The following GLIS3 variants were observed in gnomAD, a reference collection of about 807,000 sequenced individuals.
GLIS3 encodes GLIS family zinc finger 3, also known as zinc finger protein GLIS3.
A neutral mutation model predicts 78.6 loss-of-function variants in GLIS3; 53 were observed. The ratio of observed to expected loss-of-function variants is 0.67; its 90% CI spans 0.54 to 0.85. GLIS3 has a LOEUF of 0.85. Ranked by LOEUF, GLIS3 falls within the 40% of genes least tolerant of loss-of-function variation. GLIS3 has a pLI of 0.00. For missense variants in GLIS3, 1,703 were observed against 1,231.1 expected (o/e 1.38, Z -5.74); for synonymous variants, 684 against 509.9 (o/e 1.34, Z -4.60).
At chr9:4,230,423 G>A (rs548789895) in intron 2 of GLIS3, among the ~76,000 whole-genome samples, 1 of 152,258 alleles carries the variant, frequency 6.6e-6, no homozygotes, top group South Asian at 2.1e-4. Context: ...CAAAGACTGA[G>A]GTAGGGCCTC....
chr9:4,322,519 T>C (rs999525723), intron 2 of GLIS3, among the ~76,000 whole-genome samples: 10 of 152,312 alleles, frequency 6.6e-5, no homozygotes, highest in Admixed American at 4.6e-4. Context: ...CTCCCACCAA[T>C]AGTGTAAAAG....
intron 2 of GLIS3, among the ~76,000 whole-genome samples, chr9:4,311,889 A>T (rs954447574): frequency 3.3e-5 from 5 of 152,202 alleles, no homozygotes; most frequent in Non-Finnish European, 7.3e-5. Flanking sequence ...AACAGAAAAG[A>T]TCCTTTAAAA....
intron 2 of GLIS3, among the ~76,000 whole-genome samples, chr9:4,170,439 G>C (rs764422331): frequency 2.0e-5 from 3 of 152,116 alleles, no homozygotes; most frequent in African/African-American, 4.8e-5. Context: ...CAGCAACTAA[G>C]ACATGGCACA....
chr9:4,059,829 TGA>T (rs1004608610), intron 4 of GLIS3, among the ~76,000 whole-genome samples: 4,623 of 100,558 alleles, frequency 0.046, 143 homozygotes, highest in East Asian at 0.26. Flanking sequence ...TGTGTGTGTG[TGA>T]GAGAGAGAGA....
Position 4,321,264 on chromosome 9 carries a change from CAA to C in GLIS3, n.265-10738_265-10737del, listed in dbSNP as rs373666845. 1.9e-5 allele frequency among the ~76,000 whole-genome samples: 2 copies of C among 106,918 alleles called. 1 individual carries two copies. Among genetic ancestry groups the C allele is most frequent in the Admixed American group, 1.8e-4 (2 of 11,072 alleles). 70.1% of individuals were successfully genotyped at this position (106,918 alleles called of 152,430 possible). A position where few individuals can be genotyped will look rare whatever the true frequency, so the allele number is the denominator to read the frequency against. Reference sequence around the variant, plus strand: ...TGAAACCCCGTCTCTACTAAAAATACAAAAAAAATTAGCCGGGAGTGGTGGCG... The same window carrying C: ...TGAAACCCCGTCTCTACTAAAAATACAAAAAATTAGCCGGGAGTGGTGGCG... On this transcript the variant is annotated intron_variant and non_coding_transcript_variant, in intron 2 of 4. Coordinates refer to the GLIS3 transcript ENST00000471664.
At chr9:4,303,691 C>A (rs531512019), upstream of GLIS3, among the ~76,000 whole-genome samples, 1 of 152,288 alleles carries the variant, frequency 6.6e-6, no homozygotes, top group South Asian at 2.1e-4. Context: ...TCACTCCATA[C>A]AATATCTCTC....
At chr9:4,065,134 A>C (rs528163619) in intron 4 of GLIS3, among the ~76,000 whole-genome samples, 3 of 152,060 alleles carry the variant, frequency 2.0e-5, no homozygotes, top group African/African-American at 7.2e-5. Flanking sequence ...TAGATTTCTG[A>C]TTTTTCCCAG....
chr9:4,254,937 A>G (rs1302268254), intron 2 of GLIS3, among the ~76,000 whole-genome samples: 2 of 152,210 alleles, frequency 1.3e-5, no homozygotes, highest in Non-Finnish European at 1.5e-5. Flanking sequence ...AATATTTGCA[A>G]AACATTTATC....
chr9:4,156,712 T>C (rs1835066095), intron 2 of GLIS3, among the ~76,000 whole-genome samples: 1 of 152,206 alleles, frequency 6.6e-6, no homozygotes, highest in Admixed American at 6.5e-5. Flanking sequence ...AGGGTCATTA[T>C]GCTTAAGCGT....
intron 2 of GLIS3, among the ~76,000 whole-genome samples, chr9:4,340,940 G>C (rs1363780371): frequency 6.6e-6 from 1 of 152,138 alleles, no homozygotes. Context: ...GCCTCCCAAA[G>C]TGCTGGGATT....
At chr9:3,892,248 CA>C (rs796499778) in intron 7 of GLIS3, among the ~76,000 whole-genome samples, 1 of 148,194 alleles carries the variant, frequency 6.7e-6, no homozygotes, top group Admixed American at 6.7e-5. Flanking sequence ...AGAAGCAAGG[CA>C]AAAAAAAAGC....
the GLIS3 span, among the ~76,000 whole-genome samples, chr9:4,461,177 G>A: frequency 6.6e-6 from 1 of 152,124 alleles, no homozygotes; most frequent in East Asian, 1.9e-4. Flanking sequence ...TTAAAGTTTT[G>A]AAACCTCAGG....
chr9:4,236,406 C>A (rs1416842045), intron 2 of GLIS3, among the ~76,000 whole-genome samples: 2 of 152,108 alleles, frequency 1.3e-5, no homozygotes, highest in African/African-American at 4.8e-5. Context: ...CTTAAGAATT[C>A]CCACTTTTTA....
chr9:4,143,067 T>C (rs1166875916), intron 2 of GLIS3, among the ~76,000 whole-genome samples: 6 of 151,980 alleles, frequency 3.9e-5, no homozygotes, highest in Admixed American at 3.9e-4. Flanking sequence ...AATAAAGATA[T>C]GTGTCTTTTT....
chr9:4,202,715 G>A (rs1290510813), intron 2 of GLIS3, among the ~76,000 whole-genome samples: 13 of 152,106 alleles, frequency 8.5e-5, no homozygotes, highest in Admixed American at 7.2e-4. Context: ...GTAAGCAATG[G>A]GGAAAGGAAT....
At chr9:4,175,002 C>A (rs1816694748) in intron 2 of GLIS3, among the ~76,000 whole-genome samples, 1 of 152,208 alleles carries the variant, frequency 6.6e-6, no homozygotes. Flanking sequence ...TCAGAGTGTA[C>A]TTAATTGACA....
rs540452569 is a variant in GLIS3 at position 4,171,781 on chromosome 9, G to C, written c.389-45840C>G. 2.1e-3 allele frequency among the ~76,000 whole-genome samples: 323 copies of C among 152,286 alleles called. 1 individual carries two copies. Among genetic ancestry groups the C allele is most frequent in the Non-Finnish European group, 3.6e-3 (248 of 68,010 alleles). Reference sequence around the variant, plus strand: ...GTTAGGCATTGCAGATTTATAATGAGTGTAATTTGGAACTACAGTACCATA... The same window carrying C: ...GTTAGGCATTGCAGATTTATAATGACTGTAATTTGGAACTACAGTACCATA... On this transcript the variant is annotated intron_variant, in intron 2 of 10. Coordinates refer to ENST00000381971, the MANE Select transcript of GLIS3 (RefSeq NM_001042413.2).
the GLIS3 span, among the ~76,000 whole-genome samples, chr9:4,398,859 T>A: frequency 6.6e-6 from 1 of 152,156 alleles, no homozygotes; most frequent in African/African-American, 2.4e-5. Flanking sequence ...TGGCTAATTT[T>A]TGTATTTTTA....
intron 6 of GLIS3, among the ~76,000 whole-genome samples, chr9:3,904,342 G>A (rs1223541086): frequency 6.6e-6 from 1 of 152,184 alleles, no homozygotes; most frequent in African/African-American, 2.4e-5. Context: ...ACTAAAAAAA[G>A]AATAAATTCT....
Sources: allele counts gnomAD v4.1 joint callset (sites outside exome capture counted in the v4.1 genomes callset), GRCh38; gene constraint gnomAD v4.1.1; transcripts MANE v1.5; gene names NCBI Gene and HGNC (gene_info 2026-07-23, HGNC 2026-07-21).